Variants in MUC3A observed in about 807,000 individuals in gnomAD.
MUC3A encodes mucin-3A.
In MUC3A, 109 loss-of-function variants were observed where a neutral mutation model predicts 109.0. The ratio of observed to expected loss-of-function variants is 1.00; its 90% confidence interval spans 0.86 to 1.17. The LOEUF (loss-of-function observed/expected upper bound fraction) is 1.17, where lower values mean the gene tolerates loss of function less well. Among genes scored for constraint, MUC3A ranks in the 50% most tolerant of loss-of-function variants. The pLI, the probability that MUC3A is intolerant of heterozygous loss-of-function variation, is 0.00. For synonymous variants in MUC3A, 1,398 were observed against 981.4 expected (o/e 1.42, Z -7.93); for missense variants, 3,537 against 2,469.4 (o/e 1.43, Z -9.16).
intron 3 of MUC3A, among the ~76,000 whole-genome samples, chr7:100,961,306 C>A (rs10259552): frequency 6.7e-6 from 1 of 149,580 alleles, no homozygotes; most frequent in South Asian, 2.1e-4. Context: ...GAAATCAAGG[C>A]GTCACCAGGG....
rs1792235445 is a variant in MUC3A at position 100,959,409 on chromosome 7, A to T, written c.7630A>T (p.Thr2544Ser). ...AGAAACCTCATCCCTTGTGGGCACC[A>T]CCTCTCCCACCATGTCCACTGTGAG... is the stretch of plus-strand genomic sequence containing the variant. Reference protein sequence around the residue: ...STETSSLVGTTSPTMSTVRMT... With the variant: ...STETSSLVGTSSPTMSTVRMT... Residue 2544 changes from threonine to serine, a missense_variant, in exon 2 of 12, where the codon ACC becomes TCC. Transcript: ENST00000379458. 6.5e-7 allele frequency: 1 copy of T among 1,535,046 alleles called. No individual in the cohort carries two copies. Among genetic ancestry groups the T allele is most frequent in the Non-Finnish European group, 8.7e-7 (1 of 1,152,242 alleles).
rs766163675 is a variant in MUC3A at position 100,958,645 on chromosome 7, G to A, written c.6866G>A (p.Ser2289Asn). ...GAGACCCCCTCACACAGTACTCCCA[G>A]CTCCACTTCTTTAATCACCACCACC... ...TSETPSHSTP[S>N]STSLITTTKT... Residue 2289 changes from serine (S) to asparagine (N), a missense_variant, in exon 2 of 12, where the codon AGC becomes AAC. By Grantham distance (46) the Ser-to-Asn change is conservative. Coordinates refer to ENST00000379458, the MANE Select transcript of MUC3A (RefSeq NM_005960.2). The A allele has an allele frequency of 6.8e-5, 96 of 1,416,652 alleles. 1 individual carries two copies. The Middle Eastern group carries it at 1.6e-3, about 23-fold the overall frequency. 87.8% of individuals were successfully genotyped at this position (1,416,652 alleles called of 1,614,324 possible).
intron 1 of MUC3A, among the ~76,000 whole-genome samples, chr7:100,951,560 C>T (rs970094109): frequency 6.6e-6 from 1 of 152,374 alleles, no homozygotes; most frequent in Non-Finnish European, 1.5e-5. Flanking sequence ...CTGCCCAGCT[C>T]GGCTATATCA....
In MUC3A at chr7:100,957,913, C is replaced by T. The variant is rs1306406512; in HGVS notation, c.6134C>T (p.Ser2045Phe). 5.2e-6 allele frequency: 3 copies of T among 579,600 alleles called. No individual in the cohort carries two copies. In the Admixed American group the frequency reaches 7.6e-5, roughly 15 times the overall value. 35.9% of individuals were successfully genotyped at this position (579,600 alleles called of 1,614,324 possible). ...TTSHSTPSFT[S>F]SITTETTSHS... Reference sequence around the variant, plus strand: ...TCCCATAGTACTCCCAGCTTCACTTCTTCGATCACCACCGAGACCACATCC... The same window carrying T: ...TCCCATAGTACTCCCAGCTTCACTTTTTCGATCACCACCGAGACCACATCC... The change falls in exon 2 of 12, where the codon TCT (serine) becomes TTT (phenylalanine). Residue 2045 changes from serine to phenylalanine, a missense_variant. By Grantham distance (155) the Ser-to-Phe change is radical. Transcript: ENST00000379458.
At position 100,956,450 on chromosome 7, in the gene MUC3A, GA is replaced by G. The variant is rs1792098812; in HGVS notation, c.4672del (p.Thr1558LeufsTer5). The G allele has an allele frequency of 1.6e-6, 1 of 626,978 alleles. No homozygotes were observed. The highest frequency in any genetic ancestry group is 1.8e-5 in the African/African-American group (1 of 54,060). 38.8% of individuals were successfully genotyped at this position (626,978 alleles called of 1,614,324 possible). On this transcript the variant is annotated frameshift_variant, in exon 2 of 12. Transcript: ENST00000379458. LOFTEE classifies it high-confidence loss of function. Reference sequence around the variant, plus strand: ...TTCCCACTACCTTGGGTACCATGGTGACTTCTACATCCATGATCCCATCTAC... The same window carrying G: ...TTCCCACTACCTTGGGTACCATGGTGCTTCTACATCCATGATCCCATCTAC... Reference protein sequence around the residue: ...SVPTTLGTMVTSTSMIPSTVS... With the variant: ...SVPTTLGTMVXSTSMIPSTVS...
chr7:100,951,955 G>T lies in MUC3A; in HGVS notation c.176G>T (p.Gly59Val). ...AGAGACCTGGCTGGGTGGCCACTTG[G>T]TGTCCCCCAGCTCGCCTCTCCTGCT... is the stretch of plus-strand genomic sequence containing the variant. ...HSRDLAGWPL[G>V]VPQLASPAPG... Residue 59 changes from glycine (G) to valine (V), a missense_variant, in exon 2 of 12, where the codon GGT (glycine) becomes GTT (valine). By Grantham distance (109) the Gly-to-Val change is moderately radical. Transcript: ENST00000379458. The T allele has an allele frequency of 6.3e-7, 1 of 1,598,632 alleles. No homozygotes were observed. Among genetic ancestry groups the T allele is most frequent in the Non-Finnish European group, 8.5e-7 (1 of 1,179,792 alleles).
At position 100,967,188 on chromosome 7, in the gene MUC3A, C is replaced by G. The variant is rs143536045; in HGVS notation, c.*26C>G. 75 of 1,598,324 alleles carry G rather than the reference C, an allele frequency of 4.7e-5. No homozygotes were observed. The highest frequency in any genetic ancestry group is 1.4e-4 in the South Asian group (13 of 91,076). On this transcript the variant is annotated 3_prime_UTR_variant, in exon 12 of 12. Transcript: ENST00000379458. ...GCCCTGCGGGGCCCCTTCACCACCCCCTCCGCCCTGCCCCGGACACAAGGG... is the reference window on the plus strand; with the variant it reads ...GCCCTGCGGGGCCCCTTCACCACCCGCTCCGCCCTGCCCCGGACACAAGGG...
rs1395763887 is a variant in MUC3A at position 100,955,891 on chromosome 7, A to G, written c.4112A>G (p.Asp1371Gly). Residue 1371 changes from aspartate (D) to glycine (G), a missense_variant, in exon 2 of 12, where the codon GAC (aspartate) becomes GGC (glycine). By Grantham distance (94) the Asp-to-Gly change is moderately conservative. Transcript: ENST00000379458. ...ACCACCACACTGACTCCTACAACTG[A>G]CTTTTCTACAGAATCTCTCACAACA... ...LETTTLTPTT[D>G]FSTESLTTAM... 2 of 481,136 alleles carry G rather than the reference A, an allele frequency of 4.2e-6. No homozygotes were observed. Among genetic ancestry groups the G allele is most frequent in the Non-Finnish European group, 7.3e-6 (2 of 272,628 alleles). 29.8% of individuals were successfully genotyped at this position (481,136 alleles called of 1,614,324 possible). A position where few individuals can be genotyped will look rare whatever the true frequency, so the allele number is the denominator to read the frequency against.
chr7:100,965,000 G>C (rs1297327275), intron 6 of MUC3A, 157 bp downstream of exon 6: 15 of 1,237,532 alleles, frequency 1.2e-5, no homozygotes, highest in Middle Eastern at 2.7e-4. Context: ...GTCAAGGGTG[G>C]GGCTAGGGAG....
In MUC3A at chr7:100,961,959, A is replaced by C. The variant is rs1792345816; in HGVS notation, c.9052+1022A>C. On this transcript the variant is annotated intron_variant, in intron 3 of 11. Coordinates refer to ENST00000379458, the MANE Select transcript of MUC3A (RefSeq NM_005960.2). ...CCTCATCTCCACAAAAAATTTTAAA[A>C]ACTTACCTCACGCCTGTAATCCCAG... Among the ~76,000 whole-genome samples the C allele has an allele frequency of 6.8e-5, 9 of 132,234 alleles. 1 individual carries two copies. Among genetic ancestry groups the C allele is most frequent in the Non-Finnish European group, 3.4e-5 (2 of 58,604 alleles). The allele number at this position is 132,234 out of a possible 152,430, so 86.8% of individuals were successfully genotyped here.
Position 100,966,572 on chromosome 7 carries a change from G to C in MUC3A, c.9785+13G>C, listed in dbSNP as rs1792571711. 1 of 1,524,062 alleles carries C rather than the reference G, an allele frequency of 6.6e-7. No homozygotes were observed. Among genetic ancestry groups the C allele is most frequent in the Non-Finnish European group, 8.7e-7 (1 of 1,146,738 alleles). The allele number at this position is 1,524,062 out of a possible 1,614,324, so 94.4% of individuals were successfully genotyped here. On this transcript the variant is annotated intron_variant, in intron 9 of 11. Coordinates refer to ENST00000379458, the MANE Select transcript of MUC3A (RefSeq NM_005960.2). ...AGCGCCGAGGCCGGTGAGCGTGCGG[G>C]GGGCGGGGCCGGGGGGCGAGGGCAG...
chr7:100,961,130 G>A (rs996869991), intron 3 of MUC3A, 193 bp downstream of exon 3: 2 of 959,074 alleles, frequency 2.1e-6, no homozygotes, highest in African/African-American at 3.5e-5. Context: ...GAGGTGGCTG[G>A]GACTACCCTC....
In MUC3A at chr7:100,959,926, T is replaced by C. The variant is rs1192925342; in HGVS notation, c.8147T>C (p.Ile2716Thr). Residue 2716 changes from isoleucine to threonine, a missense_variant, in exon 2 of 12, where the codon ATT becomes ACT. Coordinates refer to ENST00000379458, the MANE Select transcript of MUC3A (RefSeq NM_005960.2). ...TIHSVPSSPYIFSTENVGSAS... is the reference protein window; with the variant it reads ...TIHSVPSSPYTFSTENVGSAS... ...CATTCTGTTCCTTCTTCACCATACA[T>C]TTTCAGTACAGAAAATGTGGGCTCC... is the stretch of plus-strand genomic sequence containing the variant. 1.3e-6 allele frequency: 2 copies of C among 1,513,834 alleles called. No individual in the cohort carries two copies. Among genetic ancestry groups the C allele is most frequent in the Non-Finnish European group, 8.8e-7 (1 of 1,142,154 alleles). The allele number at this position is 1,513,834 out of a possible 1,614,324, so 93.8% of individuals were successfully genotyped here. A position where few individuals can be genotyped will look rare whatever the true frequency, so the allele number is the denominator to read the frequency against.
In MUC3A at chr7:100,959,191, C is replaced by G; in HGVS notation, c.7412C>G (p.Thr2471Ser). 6.9e-6 allele frequency: 11 copies of G among 1,598,552 alleles called. No homozygotes were observed. The highest frequency in any genetic ancestry group is 1.1e-5 in the South Asian group (1 of 91,088). ...SHFTTSETAV[T>S]PTPVTPSSLS... is the part of the protein sequence containing the mutation. ...TTTACTACCTCAGAGACTGCGGTGA[C>G]TCCCACACCTGTAACCCCATCTTCT... The change falls in exon 2 of 12, where the codon ACT becomes AGT. Residue 2471 changes from threonine (T) to serine (S), a missense_variant. Physicochemically the swap from Thr to Ser is moderately conservative, Grantham distance 58. Coordinates refer to ENST00000379458, the MANE Select transcript of MUC3A (RefSeq NM_005960.2).
In MUC3A at chr7:100,952,193, C is replaced by T. The variant is rs1286322496; in HGVS notation, c.414C>T (p.Ile138=). ...CVYPTSFIIT[I]SHPTSICVTT... Reference sequence around the variant, plus strand: ...ATCCAACGAGCTTTATAATCACCATCTCCCACCCCACCTCCATCTGTGTGA... The same window carrying T: ...ATCCAACGAGCTTTATAATCACCATTTCCCACCCCACCTCCATCTGTGTGA... Residue 138 remains isoleucine, a synonymous_variant, in exon 2 of 12, where the codon ATC becomes ATT. Coordinates refer to ENST00000379458, the MANE Select transcript of MUC3A (RefSeq NM_005960.2). 2.5e-6 allele frequency: 4 copies of T among 1,598,550 alleles called. No individual in the cohort carries two copies. The highest frequency in any genetic ancestry group is 2.5e-6 in the Non-Finnish European group (3 of 1,179,780).
At chr7:100,963,986 T>A in intron 5 of MUC3A, 1 of 647,812 alleles carries the variant, frequency 1.5e-6, no homozygotes, top group Non-Finnish European at 2.7e-6. Flanking sequence ...TGCAGGGACA[T>A]GTGGGAAGGT....
In MUC3A at chr7:100,966,401, C is replaced by A. The variant is rs760159457; in HGVS notation, c.9627C>A (p.Asp3209Glu). ...SGPTCRCYSTDTHWFSGPRCE... is the reference protein window; with the variant it reads ...SGPTCRCYSTETHWFSGPRCE... The stretch of plus-strand genomic sequence containing the variant: ...TCTCCCGCAGCTGCTACTCCACCGA[C>A]ACGCACTGGTTCTCTGGCCCGCGCT... The change falls in exon 9 of 12, where the codon GAC becomes GAA. Residue 3209 changes from aspartate (D) to glutamate (E), a missense_variant. Asp to Glu is a conservative substitution (Grantham distance 45, BLOSUM62 2). Transcript: ENST00000379458. 3.3e-5 allele frequency: 44 copies of A among 1,346,942 alleles called. No individual in the cohort carries two copies. Among genetic ancestry groups the A allele is most frequent in the Non-Finnish European group, 4.1e-5 (43 of 1,055,512 alleles). The allele number at this position is 1,346,942 out of a possible 1,614,324, so 83.4% of individuals were successfully genotyped here.
At position 100,955,655 on chromosome 7, in the gene MUC3A, TGCCAGCAGTGCAGGGACCAC is replaced by T. The variant is rs1316482655; in HGVS notation, c.3877_3896del (p.Ala1293SerfsTer20). 40 of 449,380 alleles carry T rather than the reference TGCCAGCAGTGCAGGGACCAC, an allele frequency of 8.9e-5. No individual in the cohort carries two copies. Among genetic ancestry groups the T allele is most frequent in the Non-Finnish European group, 1.4e-4 (36 of 258,918 alleles). The allele number at this position is 449,380 out of a possible 1,614,324, so 27.8% of individuals were successfully genotyped here. A position where few individuals can be genotyped will look rare whatever the true frequency, so the allele number is the denominator to read the frequency against. On this transcript the variant is annotated frameshift_variant, in exon 2 of 12. Transcript: ENST00000379458. LOFTEE classifies it high-confidence loss of function. ...CATATTCATTTTCATCTTCCATGTC[TGCCAGCAGTGCAGGGACCAC>T]TCACACAGAGACTATTTCCTCACTT...
At position 100,963,676 on chromosome 7, in the gene MUC3A, T is replaced by C; in HGVS notation, c.9169-12T>C. The C allele has an allele frequency of 6.3e-7, 1 of 1,598,434 alleles. No homozygotes were observed. Among genetic ancestry groups the C allele is most frequent in the Non-Finnish European group, 8.5e-7 (1 of 1,179,748 alleles). ...GGTTCGGACGTGAGCCCAGGGATCC[T>C]TGGTGTTTCAGATGCAGAAGATTTT... is the stretch of plus-strand genomic sequence containing the variant. On this transcript the variant is annotated splice_polypyrimidine_tract_variant and intron_variant, in intron 4 of 11. Transcript: ENST00000379458.
Sources: gnomAD v4.1 joint callset for allele counts (sites outside exome capture counted in the v4.1 genomes callset) on GRCh38, gnomAD v4.1.1 for gene constraint, MANE v1.5 for transcripts, NCBI Gene and HGNC (gene_info 2026-07-23, HGNC 2026-07-21) for gene names.